Variants in TECRL observed in about 807,000 individuals in gnomAD.
TECRL encodes trans-2,3-enoyl-CoA reductase-like.
A neutral mutation model predicts 52.8 loss-of-function variants in TECRL; 63 were observed. The ratio of observed to expected loss-of-function variants is 1.19; its 90% CI spans 0.97 to 1.47. The LOEUF (loss-of-function observed/expected upper bound fraction) is 1.47, where lower values mean the gene tolerates loss of function less well. TECRL is among the 40% of genes most tolerant of loss of function. The pLI, the probability that TECRL is intolerant of heterozygous loss-of-function variation, is 0.00. For synonymous variants in TECRL, 164 were observed against 141.9 expected (o/e 1.16, Z -1.10); for missense variants, 482 against 429.6 (o/e 1.12, Z -1.08).
At chr4:64,353,446 A>C (rs2109582504) in intron 2 of TECRL, among the ~76,000 whole-genome samples, 1 of 152,304 alleles carries the variant, frequency 6.6e-6, no homozygotes. Flanking sequence ...TGTTATAATT[A>C]AGGTAATGTA....
intron 1 of TECRL, among the ~76,000 whole-genome samples, chr4:64,404,093 C>T (rs964998864): frequency 5.3e-5 from 8 of 151,842 alleles, no homozygotes; most frequent in African/African-American, 1.9e-4. Flanking sequence ...TGCACTCTTA[C>T]TATCCTGTAA....
chr4:64,407,553 C>T (rs943859714), intron 1 of TECRL, among the ~76,000 whole-genome samples: 6 of 151,072 alleles, frequency 4.0e-5, no homozygotes, highest in African/African-American at 1.2e-4. Context: ...TTTTTCATTA[C>T]TTTAAGGTGG....
chr4:64,367,905 G>A (rs572565384), intron 2 of TECRL, among the ~76,000 whole-genome samples: 1 of 152,162 alleles, frequency 6.6e-6, no homozygotes, highest in East Asian at 1.9e-4. Context: ...TCAACTGTGG[G>A]AAGGGAGTTC....
chr4:64,396,434 A>AT (rs898620797), intron 1 of TECRL, among the ~76,000 whole-genome samples: 1 of 151,512 alleles, frequency 6.6e-6, no homozygotes, highest in Non-Finnish European at 1.5e-5. Context: ...AATGTTGAGT[A>AT]TTTTTTTCAT....
At chr4:64,339,364 C>T (rs1392351573) in intron 2 of TECRL, among the ~76,000 whole-genome samples, 1 of 151,662 alleles carries the variant, frequency 6.6e-6, no homozygotes, top group African/African-American at 2.4e-5. Flanking sequence ...ATTGGTGCAG[C>T]ACACCAACAT....
At chr4:64,287,968 G>A (rs944973954) in intron 9 of TECRL, among the ~76,000 whole-genome samples, 8 of 151,964 alleles carry the variant, frequency 5.3e-5, no homozygotes, top group Non-Finnish European at 1.0e-4. Context: ...CCAACATGGC[G>A]AAACCCTGTC....
chr4:64,308,260 A>G (rs1724454548), intron 6 of TECRL, among the ~76,000 whole-genome samples: 1 of 152,130 alleles, frequency 6.6e-6, no homozygotes, highest in South Asian at 2.1e-4. Flanking sequence ...CTCTTATACC[A>G]AGATGCTTAC....
intron 8 of TECRL, among the ~76,000 whole-genome samples, chr4:64,294,136 G>A (rs1209330076): frequency 1.3e-5 from 2 of 151,682 alleles, no homozygotes; most frequent in Non-Finnish European, 2.9e-5. Flanking sequence ...ACAGGTGCAT[G>A]CCACCACGCC....
intron 9 of TECRL, 124 bp from the exon 10 acceptor site, chr4:64,281,683 T>TA: frequency 1.8e-6 from 1 of 564,470 alleles, no homozygotes; most frequent in Non-Finnish European, 3.1e-6. Flanking sequence ...CACGTATTTA[T>TA]AGTAACCTAT....
At position 64,409,318 on chromosome 4, in the gene TECRL, G is replaced by T; in HGVS notation, c.34C>A (p.Arg12Ser). ...FKRHKSLASE[R>S]KRALLSQRAT... is the part of the protein sequence containing the mutation. ...CTTTGGGAAAGTAATGCTCTCTTGC[G>T]TTCCGAAGCGAGGGACTTGTGCCTT... is the stretch of plus-strand genomic sequence containing the variant. The change falls in exon 1 of 12, where the codon CGC becomes AGC. Residue 12 changes from arginine to serine, a missense_variant. By Grantham distance (110) the Arg-to-Ser change is moderately radical. Transcript: ENST00000381210. The T allele has an allele frequency of 3.1e-6, 5 of 1,613,618 alleles. No homozygotes were observed. Among genetic ancestry groups the T allele is most frequent in the Non-Finnish European group, 4.2e-6 (5 of 1,179,716 alleles).
In TECRL at chr4:64,332,289, T is replaced by A. The variant is rs566524037; in HGVS notation, c.287-3733A>T. 4.6e-5 allele frequency among the ~76,000 whole-genome samples: 7 copies of A among 152,294 alleles called. No individual in the cohort carries two copies. In the South Asian group the frequency reaches 1.5e-3, roughly 32 times the overall value. On this transcript the variant is annotated intron_variant, in intron 2 of 11. Coordinates refer to ENST00000381210, the MANE Select transcript of TECRL (RefSeq NM_001010874.5). ...TTCAGTAGTTACCCTTAAATAAGGATGAATCAGAAATCAATCAATTCTTAA... is the reference window on the plus strand; with the variant it reads ...TTCAGTAGTTACCCTTAAATAAGGAAGAATCAGAAATCAATCAATTCTTAA...
intron 2 of TECRL, among the ~76,000 whole-genome samples, chr4:64,332,210 G>A (rs947964537): frequency 2.0e-5 from 3 of 152,086 alleles, no homozygotes; most frequent in Non-Finnish European, 4.4e-5. Flanking sequence ...TGAGCCTAAT[G>A]GGACAAAAAT....
Position 64,328,532 on chromosome 4 carries a change from A to G in TECRL, c.311T>C (p.Val104Ala), listed in dbSNP as rs1577879424. Residue 104 changes from valine (V) to alanine (A), a missense_variant, in exon 3 of 12, where the codon GTT (valine) becomes GCT (alanine). By Grantham distance (64) the Val-to-Ala change is moderately conservative. Transcript: ENST00000381210. ...CTTACCACATTCTAGCTGCAGACCA[A>G]CTCGAGAAGGGTACCACTTTGGACC... ...KACPKWYPSR[V>A]GLQLECGGPF... 2.5e-6 allele frequency: 4 copies of G among 1,611,654 alleles called. No homozygotes were observed. Among genetic ancestry groups the G allele is most frequent in the Non-Finnish European group, 3.4e-6 (4 of 1,178,448 alleles).
chr4:64,285,629 G>T (rs1723041126), intron 9 of TECRL, among the ~76,000 whole-genome samples: 1 of 152,112 alleles, frequency 6.6e-6, no homozygotes, highest in South Asian at 2.1e-4. Context: ...GAAAAATAAT[G>T]CATTGAGTAT....
chr4:64,401,497 C>A (rs1724359596), intron 1 of TECRL, among the ~76,000 whole-genome samples: 1 of 152,168 alleles, frequency 6.6e-6, no homozygotes, highest in Non-Finnish European at 1.5e-5. Flanking sequence ...ATACTCATAA[C>A]TAAATTTCTT....
chr4:64,298,154 T>G (rs948859001), intron 8 of TECRL, among the ~76,000 whole-genome samples: 10 of 151,158 alleles, frequency 6.6e-5, no homozygotes, highest in Non-Finnish European at 1.2e-4. Flanking sequence ...TTATATAAAT[T>G]TAAAGTTTAT....
chr4:64,282,663 T>A (rs1241567706), intron 9 of TECRL, among the ~76,000 whole-genome samples: 3 of 152,052 alleles, frequency 2.0e-5, no homozygotes, highest in Non-Finnish European at 4.4e-5. Context: ...CTGTAGTTTA[T>A]GAGTGTTCAG....
intron 2 of TECRL, among the ~76,000 whole-genome samples, chr4:64,350,614 C>T (rs1255666506): frequency 6.6e-6 from 1 of 151,980 alleles, no homozygotes; most frequent in East Asian, 1.9e-4. Flanking sequence ...AAGCAGATTG[C>T]CATTTGGAAT....
Position 64,327,107 on chromosome 4 carries a change from A to G in TECRL, c.331+1405T>C, listed in dbSNP as rs1356317702. 4.6e-5 allele frequency among the ~76,000 whole-genome samples: 7 copies of G among 152,136 alleles called. No individual in the cohort carries two copies. In the East Asian group the frequency reaches 1.3e-3, roughly 29 times the overall value. On this transcript the variant is annotated intron_variant, in intron 3 of 11. Coordinates refer to ENST00000381210, the MANE Select transcript of TECRL (RefSeq NM_001010874.5). ...AAGAAGACCATGTAGGCAAGTAAGTATGAGAGGGTCAATCAAATGTAGAAA... is the reference window on the plus strand; with the variant it reads ...AAGAAGACCATGTAGGCAAGTAAGTGTGAGAGGGTCAATCAAATGTAGAAA...
Sources: gnomAD v4.1 joint callset for allele counts (sites outside exome capture counted in the v4.1 genomes callset) on GRCh38, gnomAD v4.1.1 for gene constraint, MANE v1.5 for transcripts, NCBI Gene and HGNC (gene_info 2026-07-23, HGNC 2026-07-21) for gene names.